EMC8: variants seen among roughly 807,000 people sequenced by gnomAD.
EMC8 encodes ER membrane protein complex subunit 8.
In EMC8, 11 loss-of-function variants were observed where a neutral mutation model predicts 24.3. The ratio of observed to expected loss-of-function variants is 0.45; its 90% confidence interval spans 0.28 to 0.75. The LOEUF (loss-of-function observed/expected upper bound fraction) is 0.75. Among genes scored for constraint, EMC8 ranks in the 30% least tolerant of loss-of-function variants. The probability of loss-of-function intolerance (pLI) is 0.12; values close to 1 mark genes in which losing one functional copy is unlikely to be tolerated. For synonymous variants in EMC8, 145 were observed against 117.7 expected (o/e 1.23, Z -1.50); for missense variants, 277 against 282.7 (o/e 0.98, Z 0.14).
At chr16:85,792,501 C>T (rs1905058759) in intron 1 of EMC8, 1 of 152,226 alleles carries the variant, frequency 6.6e-6, no homozygotes, top group Admixed American at 6.5e-5. Flanking sequence ...GGAACGGAGA[C>T]TCGGCCAAGC....
At chr16:85,795,396 G>C (rs1597209515) in intron 1 of EMC8, among the ~76,000 whole-genome samples, 1 of 152,216 alleles carries the variant, frequency 6.6e-6, no homozygotes, top group South Asian at 2.1e-4. Context: ...AGAGACACTG[G>C]TTTTCCTCCC....
Position 85,781,220 on chromosome 16 carries a change from C to T in EMC8, c.369G>A (p.Ala123=), listed in dbSNP as rs140633471. ...SRIAEGFSDT[A]LIMVDNTKFT... is the part of the protein sequence containing the mutation. ...CACAGAAGCGACTTACCATGATGAG[C>T]GCAGTGTCGCTGAAGCCCTCGGCGA... is the stretch of plus-strand genomic sequence containing the variant. The change falls in exon 3 of 5, where the codon GCG becomes GCA. Residue 123 remains alanine (A), a synonymous_variant. Transcript: ENST00000253457. The T allele has an allele frequency of 4.8e-5, 78 of 1,613,192 alleles. No individual in the cohort carries two copies. Among genetic ancestry groups the T allele is most frequent in the East Asian group, 2.0e-4 (9 of 44,896 alleles).
intron 1 of EMC8, among the ~76,000 whole-genome samples, chr16:85,794,294 A>G (rs948325122): frequency 6.6e-6 from 1 of 152,124 alleles, no homozygotes; most frequent in Non-Finnish European, 1.5e-5. Context: ...CCAGCTGCAA[A>G]TTTTCCCCTG....
chr16:85,783,188 A>T (rs183084657), intron 2 of EMC8, among the ~76,000 whole-genome samples: 226 of 152,316 alleles, frequency 1.5e-3, no homozygotes, highest in Non-Finnish European at 2.5e-3. Context: ...CTGTAGACCC[A>T]GCTACTCCGG....
At chr16:85,795,829 G>A (rs189644020) in intron 1 of EMC8, among the ~76,000 whole-genome samples, 2 of 152,276 alleles carry the variant, frequency 1.3e-5, no homozygotes, top group South Asian at 2.1e-4. Context: ...CCAGAGCCTG[G>A]ACTTGCTGCT....
rs1189972532 is a variant in EMC8 at position 85,799,136 on chromosome 16, A to T, written c.160T>A (p.Phe54Ile). The change falls in exon 1 of 5, where the codon TTC (phenylalanine) becomes ATC (isoleucine). Residue 54 changes from phenylalanine to isoleucine, a missense_variant. Transcript: ENST00000253457. The surrounding 1 kb of genome is among the most constrained non-coding windows in gnomAD (Gnocchi z 4.2). ...TGGAAGAGGGGGATGCAGTCCACGA[A>T]GAGGGTGTGGTGGGCGCCGGGGCCG... ...LGGPGAHHTL[F>I]VDCIPLFHGT... is the part of the protein sequence containing the mutation. 4 of 1,601,678 alleles carry T rather than the reference A, an allele frequency of 2.5e-6. No homozygotes were observed. The highest frequency in any genetic ancestry group is 1.7e-5 in the Admixed American group (1 of 58,182).
chr16:85,780,533 G>T, intron 3 of EMC8, 60 bp from the exon 4 acceptor site: 2 of 1,303,928 alleles, frequency 1.5e-6, no homozygotes, highest in East Asian at 2.4e-5. Flanking sequence ...GCAGCGGCAG[G>T]CGCCTCCTCG....
intron 1 of EMC8, among the ~76,000 whole-genome samples, chr16:85,797,709 A>T (rs1905296868): frequency 6.6e-6 from 1 of 152,196 alleles, no homozygotes; most frequent in Non-Finnish European, 1.5e-5. Context: ...TAGATTATGA[A>T]ATGGCTTCGT....
Position 85,779,535 on chromosome 16 carries a change from T to A in EMC8, c.*173A>T. 2 of 610,918 alleles carry A rather than the reference T, an allele frequency of 3.3e-6. No individual in the cohort carries two copies. The highest frequency in any genetic ancestry group is 1.9e-5 in the South Asian group (1 of 52,424). The allele number at this position is 610,918 out of a possible 1,614,324, so 37.8% of individuals were successfully genotyped here. A position where few individuals can be genotyped will look rare whatever the true frequency, so the allele number is the denominator to read the frequency against. On this transcript the variant is annotated 3_prime_UTR_variant, in exon 5 of 5. Coordinates refer to ENST00000253457, the MANE Select transcript of EMC8 (RefSeq NM_006067.5). ...GGATGTCTGCACCTCTTCTAGAGAC[T>A]CTGTGTTAAAAACACGACCGACTGA...
intron 4 of EMC8, 22 bp from the exon 5 acceptor site, chr16:85,779,889 G>A: frequency 1.9e-6 from 3 of 1,612,488 alleles, no homozygotes; most frequent in South Asian, 1.1e-5. Context: ...ACATGAAGAA[G>A]TCAGCATCTA....
At chr16:85,795,798 G>C (rs1321736102) in intron 1 of EMC8, among the ~76,000 whole-genome samples, 1 of 152,196 alleles carries the variant, frequency 6.6e-6, no homozygotes, top group Non-Finnish European at 1.5e-5. Context: ...ACCCCACCTT[G>C]AAGCTGGTGG....
chr16:85,779,671 G>C lies in EMC8; in HGVS notation c.*37C>G. On this transcript the variant is annotated 3_prime_UTR_variant, in exon 5 of 5. Transcript: ENST00000253457. ...AAAATAGGTTTTCTTCTTCAACGTA[G>C]TGGAAAGGCCCGGAGCCCAGTCACA... 2 of 1,600,654 alleles carry C rather than the reference G, an allele frequency of 1.2e-6. No homozygotes were observed. Among genetic ancestry groups the C allele is most frequent in the Non-Finnish European group, 1.7e-6 (2 of 1,168,176 alleles).
Position 85,779,811 on chromosome 16 carries a change from C to G in EMC8, c.530G>C (p.Ser177Thr), listed in dbSNP as rs1904403367. 4 of 1,614,052 alleles carry G rather than the reference C, an allele frequency of 2.5e-6. No homozygotes were observed. The highest frequency in any genetic ancestry group is 2.2e-5 in the South Asian group (2 of 91,084). The part of the protein sequence containing the change: ...AQRISASLLD[S>T]RSYETLVDFD... The stretch of plus-strand genomic sequence containing the variant: ...ATCCACGAGCGTCTCGTAGGACCGG[C>G]TGTCCAGGAGCGAGGCTGAGATCCT... Residue 177 changes from serine to threonine, a missense_variant, in exon 5 of 5, where the codon AGC becomes ACC. By Grantham distance (58) the Ser-to-Thr change is moderately conservative. Coordinates refer to ENST00000253457, the MANE Select transcript of EMC8 (RefSeq NM_006067.5).
chr16:85,799,014 T>G lies in EMC8; in HGVS notation c.231+51A>C. The G allele has an allele frequency of 7.8e-7, 1 of 1,289,944 alleles. No individual in the cohort carries two copies. The highest frequency in any genetic ancestry group is 1.1e-6 in the Non-Finnish European group (1 of 928,394). The allele number at this position is 1,289,944 out of a possible 1,614,324, so 79.9% of individuals were successfully genotyped here. ...CTGGGCCAGCTTCCTCTCTGCTGAC[T>G]GAGGGGAGGCCAGGCTGCCTGCAAG... On this transcript the variant is annotated intron_variant, in intron 1 of 4. Transcript: ENST00000253457. This position sits in a 1 kb window ranked among gnomAD's most constrained non-coding sequence, Gnocchi z 4.2.
At chr16:85,798,959 GGGTC>G in intron 1 of EMC8, 102 bp downstream of exon 1, 1 of 742,820 alleles carries the variant, frequency 1.3e-6, no homozygotes, top group South Asian at 1.8e-5. Context: ...CCTAGGGAGC[GGGTC>G]CTAGGAGCCT....
chr16:85,789,441 T>G (rs977593668), intron 1 of EMC8, among the ~76,000 whole-genome samples: 1 of 152,218 alleles, frequency 6.6e-6, no homozygotes, highest in Admixed American at 6.5e-5. Flanking sequence ...AGAGAGGTTC[T>G]AAGTTTGCAC....
intron 2 of EMC8, among the ~76,000 whole-genome samples, chr16:85,785,588 A>C (rs76054814): frequency 6.7e-6 from 1 of 149,164 alleles, no homozygotes; most frequent in Non-Finnish European, 1.5e-5. Flanking sequence ...CCGCCCCGCC[A>C]AAAAAAAAAT....
At position 85,799,061 on chromosome 16, in the gene EMC8, T is replaced by C; in HGVS notation, c.231+4A>G. The C allele has an allele frequency of 6.5e-7, 1 of 1,536,744 alleles. No individual in the cohort carries two copies. Among genetic ancestry groups the C allele is most frequent in the Non-Finnish European group, 8.8e-7 (1 of 1,135,668 alleles). On this transcript the variant is annotated splice_donor_region_variant and intron_variant, in intron 1 of 4. Transcript: ENST00000253457. This position sits in a 1 kb window ranked among gnomAD's most constrained non-coding sequence, Gnocchi z 4.2. Reference sequence around the variant, plus strand: ...CAAGGGGAAGGGGCCCTTTCCGCGCTTACCAGGGTGAGAGCCACCTCCAGC... The same window carrying C: ...CAAGGGGAAGGGGCCCTTTCCGCGCCTACCAGGGTGAGAGCCACCTCCAGC...
Position 85,780,184 on chromosome 16 carries a change from C to T in EMC8, c.473+195G>A, listed in dbSNP as rs1447187563. 40 of 610,862 alleles carry T rather than the reference C, an allele frequency of 6.5e-5. No homozygotes were observed. The South Asian group carries it at 7.8e-4, about 12-fold the overall frequency. The allele number at this position is 610,862 out of a possible 1,614,324, so 37.8% of individuals were successfully genotyped here. A position where few individuals can be genotyped will look rare whatever the true frequency, so the allele number is the denominator to read the frequency against. On this transcript the variant is annotated intron_variant, in intron 4 of 4. Coordinates refer to ENST00000253457, the MANE Select transcript of EMC8 (RefSeq NM_006067.5). ...TGCTCTAGCGCCTGGGGTGGGAAGA[C>T]CTGTGGGTACCACTGAGGTTCCCTC... is the stretch of plus-strand genomic sequence containing the variant.
Sources: allele counts gnomAD v4.1 joint callset (sites outside exome capture counted in the v4.1 genomes callset), GRCh38; gene constraint gnomAD v4.1.1; non-coding constraint Gnocchi (gnomAD v3.1); transcripts MANE v1.5; gene names NCBI Gene and HGNC (gene_info 2026-07-23, HGNC 2026-07-21).